The following MYO16 variants were observed in gnomAD, a reference collection of about 807,000 sequenced individuals.
The protein encoded by MYO16 is myosin XVI.
In MYO16, 94 loss-of-function variants were observed where a neutral mutation model predicts 205.3. The observed-to-expected ratio is 0.46, with a 90% CI of 0.39 to 0.54. The LOEUF is 0.54. MYO16 is among the 20% of genes least tolerant of loss of function. The pLI is 0.00. For missense variants in MYO16, 2,315 were observed against 2,387.5 expected (o/e 0.97, Z 0.63); for synonymous variants, 988 against 954.0 (o/e 1.04, Z -0.66).
the MYO16 span, among the ~76,000 whole-genome samples, chr13:108,545,339 C>T: frequency 2.0e-5 from 3 of 152,260 alleles, no homozygotes; most frequent in East Asian, 5.8e-4. Context: ...CATAATCTTG[C>T]TTTTTTATGG....
chr13:108,737,944 C>A (rs1401379692), intron 4 of MYO16, among the ~76,000 whole-genome samples: 3 of 152,144 alleles, frequency 2.0e-5, no homozygotes, highest in African/African-American at 4.8e-5. Context: ...ATAATATTCT[C>A]TGATGGTAGT....
intron 27 of MYO16, among the ~76,000 whole-genome samples, chr13:109,060,110 A>G (rs1219946176): frequency 6.6e-6 from 1 of 152,166 alleles, no homozygotes; most frequent in African/African-American, 2.4e-5. Context: ...CAGAAATACC[A>G]TTTGACCCAG....
chr13:108,579,956 G>T, the MYO16 span, among the ~76,000 whole-genome samples: 2 of 152,152 alleles, frequency 1.3e-5, no homozygotes, highest in Non-Finnish European at 2.9e-5. Flanking sequence ...TTGTGATCAG[G>T]TGTTTTGAAA....
At chr13:108,527,873 A>G in the MYO16 span, among the ~76,000 whole-genome samples, 2 of 152,192 alleles carry the variant, frequency 1.3e-5, no homozygotes, top group African/African-American at 2.4e-5. Flanking sequence ...CAGTATGCCA[A>G]TGAAAGGATT....
At chr13:109,004,581 G>A (rs1207044174) in intron 21 of MYO16, among the ~76,000 whole-genome samples, 1 of 152,088 alleles carries the variant, frequency 6.6e-6, no homozygotes, top group Non-Finnish European at 1.5e-5. Context: ...ATGCCATTGT[G>A]GACAGATGCT....
chr13:108,947,976 ACTC>A (rs1256505161), intron 16 of MYO16, among the ~76,000 whole-genome samples: 4 of 152,168 alleles, frequency 2.6e-5, no homozygotes, highest in African/African-American at 9.7e-5. Flanking sequence ...ACAGTTTGTG[ACTC>A]ATATATTAAT....
intron 2 of MYO16, among the ~76,000 whole-genome samples, chr13:108,693,524 A>C (rs1188964340): frequency 6.6e-6 from 1 of 152,160 alleles, no homozygotes; most frequent in Non-Finnish European, 1.5e-5. Context: ...CACTCAGCAT[A>C]TTTTTAAGGT....
chr13:108,635,287 T>C (rs2139364508), intron 1 of MYO16, among the ~76,000 whole-genome samples: 1 of 152,270 alleles, frequency 6.6e-6, no homozygotes, highest in Middle Eastern at 3.4e-3. Flanking sequence ...GGATGTCAAC[T>C]CCATCGTCGA....
chr13:108,720,283 G>A (rs919596479), intron 3 of MYO16, among the ~76,000 whole-genome samples: 2 of 152,140 alleles, frequency 1.3e-5, no homozygotes, highest in Non-Finnish European at 2.9e-5. Flanking sequence ...TGAAAGGGCC[G>A]GTCTGCGGTA....
chr13:108,582,141 G>A, the MYO16 span, among the ~76,000 whole-genome samples: 3 of 152,062 alleles, frequency 2.0e-5, no homozygotes, highest in East Asian at 3.9e-4. Flanking sequence ...ATGTAAATTA[G>A]TTCAGATTCC....
intron 1 of MYO16, among the ~76,000 whole-genome samples, chr13:108,601,836 C>T (rs1878774550): frequency 6.6e-6 from 1 of 152,060 alleles, no homozygotes; most frequent in Non-Finnish European, 1.5e-5. Context: ...GTTCAGGAGC[C>T]TACATTTCCT....
At chr13:108,631,872 G>A (rs1051359288) in intron 1 of MYO16, among the ~76,000 whole-genome samples, 1 of 152,194 alleles carries the variant, frequency 6.6e-6, no homozygotes, top group Non-Finnish European at 1.5e-5. Flanking sequence ...GAGGTCAGGA[G>A]TTTAAGACCA....
chr13:108,576,163 A>T, the MYO16 span, among the ~76,000 whole-genome samples: 17 of 152,172 alleles, frequency 1.1e-4, no homozygotes, highest in African/African-American at 3.9e-4. Flanking sequence ...CACATATGAG[A>T]GTGCAAGATA....
chr13:108,856,445 T>A (rs1878176344), intron 11 of MYO16, among the ~76,000 whole-genome samples: 1 of 152,224 alleles, frequency 6.6e-6, no homozygotes. Flanking sequence ...CAATGTAGCA[T>A]CTTAATGCTT....
intron 6 of MYO16, among the ~76,000 whole-genome samples, 161 bp downstream of exon 6, chr13:108,793,801 G>T (rs965421678): frequency 1.3e-5 from 2 of 152,136 alleles, no homozygotes; most frequent in African/African-American, 4.8e-5. Context: ...AAGCAAAGAA[G>T]AAAATGCAGA....
chr13:109,014,698 G>T (rs1235781883), intron 22 of MYO16, among the ~76,000 whole-genome samples: 1 of 152,126 alleles, frequency 6.6e-6, no homozygotes, highest in Non-Finnish European at 1.5e-5. Context: ...TTATAAGTTG[G>T]ATTCCTAGGT....
At chr13:108,645,489 C>G (rs1566525679) in intron 1 of MYO16, among the ~76,000 whole-genome samples, 1 of 152,158 alleles carries the variant, frequency 6.6e-6, no homozygotes, top group African/African-American at 2.4e-5. Context: ...AGAACTCAAA[C>G]TTGCCTACTC....
chr13:108,883,067 G>C lies in MYO16; in HGVS notation c.1434G>C (p.Gln478His), dbSNP rs117665810. ...GCTGCCCTGTTTTCCAGGTGTCCCA[G>C]CTGTATTTCAGCTCCTCAGGGAAGC... Reference protein sequence around the residue: ...ELPIYSSMVSQLYFSSSGKLC... With the variant: ...ELPIYSSMVSHLYFSSSGKLC... The change falls in exon 13 of 35, where the codon CAG becomes CAC. Residue 478 changes from glutamine to histidine, a missense_variant. By Grantham distance (24) the Gln-to-His change is conservative. Around this residue, in one of 3 missense-constraint regions of MYO16, gnomAD observed 1,213 missense variants for 1,274.4 expected, o/e 0.95. Transcript: ENST00000457511. 5.4e-4 allele frequency: 878 copies of C among 1,613,944 alleles called. 6 individuals are homozygous for C. In the East Asian group the frequency reaches 9.2e-3, roughly 17 times the overall value.
intron 12 of MYO16, among the ~76,000 whole-genome samples, chr13:108,869,099 T>C (rs1186946028): frequency 6.6e-6 from 1 of 152,204 alleles, no homozygotes; most frequent in Non-Finnish European, 1.5e-5. Context: ...TAGCAATTAA[T>C]TACTGGCCTT....
Sources: gnomAD v4.1 joint callset for allele counts (sites outside exome capture counted in the v4.1 genomes callset) on GRCh38, gnomAD v4.1.1 for gene constraint, gnomAD v4.1.1 regional missense constraint, MANE v1.5 for transcripts, NCBI Gene and HGNC (gene_info 2026-07-23, HGNC 2026-07-21) for gene names.